Variants in MTHFD1L observed in about 807,000 individuals in gnomAD.
The protein encoded by MTHFD1L is monofunctional C1-tetrahydrofolate synthase, mitochondrial.
MTHFD1L carries 81 observed loss-of-function variants against 119.5 expected under a neutral mutation model. The observed-to-expected ratio is 0.68, with a 90% CI of 0.57 to 0.82. The LOEUF is 0.82. Among genes scored for constraint, MTHFD1L ranks in the 40% least tolerant of loss-of-function variants. The probability of loss-of-function intolerance (pLI) is 0.00; values close to 1 mark genes in which losing one functional copy is unlikely to be tolerated. For synonymous variants in MTHFD1L, 430 were observed against 475.2 expected (o/e 0.90, Z 1.24); for missense variants, 1,125 against 1,253.4 (o/e 0.90, Z 1.55).
At position 151,071,959 on chromosome 6, in the gene MTHFD1L, C is replaced by T. The variant is rs191118688; in HGVS notation, c.2848-20508C>T. The stretch of plus-strand genomic sequence containing the variant: ...CTGGGTTCAAGCAGTTCTCCTGCCT[C>T]GGCCTCCTGAGTAGCTGGGATTCCA... On this transcript the variant is annotated intron_variant, in intron 26 of 27. Coordinates refer to ENST00000367321, the MANE Select transcript of MTHFD1L (RefSeq NM_015440.5). Among the ~76,000 whole-genome samples, 380 of 150,092 alleles carry T rather than the reference C, an allele frequency of 2.5e-3. 3 individuals are homozygous for T. The highest frequency in any genetic ancestry group is 7.2e-3 in the South Asian group (34 of 4,734).
intron 2 of MTHFD1L, 42 bp downstream of exon 2, chr6:150,876,216 C>A: frequency 7.1e-7 from 1 of 1,415,374 alleles, no homozygotes; most frequent in Admixed American, 2.4e-5. Context: ...TTTAGGATGC[C>A]TTTCAATTTA....
chr6:151,012,311 C>T (rs1056472560), intron 21 of MTHFD1L, among the ~76,000 whole-genome samples: 10 of 152,166 alleles, frequency 6.6e-5, no homozygotes, highest in East Asian at 1.9e-4. Flanking sequence ...GTGCTCATCT[C>T]GGTGTCCTTC....
At position 150,882,861 on chromosome 6, in the gene MTHFD1L, T is replaced by G; in HGVS notation, c.517T>G (p.Leu173Val). ...NLFSNKVLNA[L>V]KPEKDVDGVT... Reference sequence around the variant, plus strand: ...GTTTAGCAACAAAGTCCTCAATGCCTTGAAACCAGAAAAAGATGTGGATGG... The same window carrying G: ...GTTTAGCAACAAAGTCCTCAATGCCGTGAAACCAGAAAAAGATGTGGATGG... Residue 173 changes from leucine (L) to valine (V), a missense_variant, in exon 5 of 28, where the codon TTG becomes GTG. This residue lies in a region of MTHFD1L where 1,058 missense variants were observed against 1,151.2 expected (regional missense o/e 0.92). Transcript: ENST00000367321. The G allele has an allele frequency of 1.3e-6, 2 of 1,574,400 alleles. No individual in the cohort carries two copies. The highest frequency in any genetic ancestry group is 1.7e-6 in the Non-Finnish European group (2 of 1,168,276).
intron 24 of MTHFD1L, 121 bp downstream of exon 24, chr6:151,015,814 C>T (rs1225582619): frequency 1.8e-5 from 22 of 1,208,802 alleles, no homozygotes; most frequent in Non-Finnish European, 2.4e-5. Context: ...AGGCCCGGTG[C>T]AGTGGCTCAC....
intron 1 of MTHFD1L, among the ~76,000 whole-genome samples, chr6:150,873,861 G>T (rs1214037923): frequency 6.6e-6 from 1 of 152,030 alleles, no homozygotes; most frequent in East Asian, 1.9e-4. Context: ...CTAGAGATGG[G>T]GTTTCACCAT....
At chr6:151,046,471 GTATATATATA>G (rs1156377344) in intron 26 of MTHFD1L, among the ~76,000 whole-genome samples, 1,327 of 36,376 alleles carry the variant, frequency 0.036, 29 homozygotes, top group African/African-American at 0.063. Context: ...ATGTGTGTGT[GTATATATATA>G]TATATATATA....
At chr6:151,016,308 G>A (rs970964854) in intron 24 of MTHFD1L, among the ~76,000 whole-genome samples, 1 of 151,862 alleles carries the variant, frequency 6.6e-6, no homozygotes, top group African/African-American at 2.4e-5. Flanking sequence ...GGGAAACCAT[G>A]GGAGGTATTT....
At chr6:150,957,211 A>C (rs565830231) in intron 17 of MTHFD1L, among the ~76,000 whole-genome samples, 1 of 152,324 alleles carries the variant, frequency 6.6e-6, no homozygotes, top group Admixed American at 6.5e-5. Context: ...GTGTTCAGTA[A>C]ATATCTGTTG....
chr6:151,023,206 C>A (rs1784187766), intron 24 of MTHFD1L, among the ~76,000 whole-genome samples: 1 of 151,982 alleles, frequency 6.6e-6, no homozygotes, highest in South Asian at 2.1e-4. Flanking sequence ...GCCACTATGC[C>A]CAGCAAATTT....
At chr6:150,902,726 C>G (rs575671257) in intron 7 of MTHFD1L, among the ~76,000 whole-genome samples, 2 of 151,878 alleles carry the variant, frequency 1.3e-5, no homozygotes, top group Non-Finnish European at 2.9e-5. Flanking sequence ...GTTGAGGGGT[C>G]GGAATGAGAT....
chr6:151,086,604 T>C (rs565914469), intron 26 of MTHFD1L, among the ~76,000 whole-genome samples: 2 of 152,264 alleles, frequency 1.3e-5, no homozygotes, highest in South Asian at 2.1e-4. Flanking sequence ...CATGGCTTAC[T>C]GTAGCCTCGA....
chr6:151,044,292 ATTCTTTTTTTTTTTTT>A (rs1368650813), intron 26 of MTHFD1L, among the ~76,000 whole-genome samples: 2 of 145,384 alleles, frequency 1.4e-5, no homozygotes, highest in East Asian at 2.0e-4. Context: ...GCATGGGTAC[ATTCTTTTTTTTTTTTT>A]TTCTTTTTTT....
intron 12 of MTHFD1L, 63 bp downstream of exon 12, chr6:150,937,003 G>T: frequency 6.4e-7 from 1 of 1,573,964 alleles, no homozygotes. Flanking sequence ...ATTGTAAAAA[G>T]AACATTGTCA....
chr6:150,976,987 C>G (rs1370831192), intron 20 of MTHFD1L, among the ~76,000 whole-genome samples: 3 of 152,162 alleles, frequency 2.0e-5, no homozygotes, highest in Non-Finnish European at 4.4e-5. Flanking sequence ...AAATAATTGA[C>G]TTCAGTACCC....
chr6:150,966,565 G>A (rs1193674152), intron 19 of MTHFD1L, among the ~76,000 whole-genome samples: 1 of 152,188 alleles, frequency 6.6e-6, no homozygotes, highest in Non-Finnish European at 1.5e-5. Context: ...GCTCAAGCCT[G>A]TAATCCCAGC....
intron 4 of MTHFD1L, among the ~76,000 whole-genome samples, chr6:150,880,032 G>A (rs1378514661): frequency 6.6e-6 from 1 of 152,160 alleles, no homozygotes; most frequent in Non-Finnish European, 1.5e-5. Flanking sequence ...TTCGGTACTT[G>A]CATATGTTGT....
chr6:151,068,932 C>T (rs1791623484), intron 26 of MTHFD1L, among the ~76,000 whole-genome samples: 1 of 152,192 alleles, frequency 6.6e-6, no homozygotes, highest in South Asian at 2.1e-4. Flanking sequence ...AAGCATTGAT[C>T]ATGGGATCCC....
chr6:151,062,232 C>A (rs4349819), intron 26 of MTHFD1L, among the ~76,000 whole-genome samples: 1 of 152,104 alleles, frequency 6.6e-6, no homozygotes, highest in Non-Finnish European at 1.5e-5. Flanking sequence ...GTCAGGAGAT[C>A]GAGACCATTC....
intron 20 of MTHFD1L, 96 bp downstream of exon 20, chr6:150,972,154 A>G (rs765644974): frequency 1.7e-5 from 18 of 1,078,862 alleles, no homozygotes; most frequent in Non-Finnish European, 2.2e-5. Context: ...GACATGAAAC[A>G]TATTCTTTCA....
Sources: allele counts gnomAD v4.1 joint callset (sites outside exome capture counted in the v4.1 genomes callset), GRCh38; gene constraint gnomAD v4.1.1; regional missense constraint gnomAD v4.1.1; transcripts MANE v1.5; gene names NCBI Gene and HGNC (gene_info 2026-07-23, HGNC 2026-07-21).